The following PCDHGA4 variants were observed in gnomAD, a reference collection of about 807,000 sequenced individuals.
The protein encoded by PCDHGA4 is protocadherin gamma-A4.
Under a neutral mutation model 54.6 loss-of-function variants are expected in PCDHGA4, and 38 were observed. That is an observed-to-expected ratio of 0.70 (90% CI 0.54 to 0.91). The LOEUF (loss-of-function observed/expected upper bound fraction) is 0.91, where lower values mean the gene tolerates loss of function less well. PCDHGA4 is among the 40% of genes least tolerant of loss of function. The pLI, the probability that PCDHGA4 is intolerant of heterozygous loss-of-function variation, is 0.00. For synonymous variants in PCDHGA4, 511 were observed against 512.9 expected, an observed-to-expected ratio of 1.00 and a Z score of 0.05; for missense variants, 1,298 against 1,220.9, an observed-to-expected ratio of 1.06 and a Z score of -0.94.
intron 1 of PCDHGA4, chr5:141,395,206 A>T: frequency 1.9e-6 from 3 of 1,613,736 alleles, no homozygotes; most frequent in Non-Finnish European, 2.5e-6. Flanking sequence ...GTAGATTTTC[A>T]TGAATATAAG....
chr5:141,494,820 AC>A lies in PCDHGA4; in HGVS notation c.2529del (p.Asn843LysfsTer39). 6.2e-7 allele frequency: 1 copy of A among 1,613,988 alleles called. No homozygotes were observed. The highest frequency in any genetic ancestry group is 2.2e-5 in the East Asian group (1 of 44,874). On this transcript the variant is annotated frameshift_variant, in exon 2 of 4. Coordinates refer to ENST00000571252, the MANE Select transcript of PCDHGA4 (RefSeq NM_018917.4). LOFTEE classifies it high-confidence loss of function. ...TTTTCTCCACAGCAAGCCCCGCCCA[AC>A]ACGGACTGGCGTTTCTCTCAGGCCC... ...GDPNLQQAPP[N>X]TDWRFSQAQR...
At chr5:141,387,211 C>T (rs184165131) in intron 1 of PCDHGA4, among the ~76,000 whole-genome samples, 35 of 152,068 alleles carry the variant, frequency 2.3e-4, no homozygotes, top group African/African-American at 7.7e-4. Flanking sequence ...TGATACTCTC[C>T]GGAAAAAGTT....
chr5:141,488,980 C>A, intron 1 of PCDHGA4: 1 of 392,340 alleles, frequency 2.5e-6, no homozygotes, highest in Non-Finnish European at 4.5e-6. Flanking sequence ...CAATCAGACT[C>A]AGAGCTGAGG....
chr5:141,357,804 G>A (rs1465352721), intron 1 of PCDHGA4, 183 bp downstream of exon 1: 15 of 778,760 alleles, frequency 1.9e-5, no homozygotes, highest in Admixed American at 3.0e-5. Context: ...CAAAAATGTT[G>A]TTTATTACTT....
rs764067454 is a variant in PCDHGA4 at position 141,413,998 on chromosome 5, G to C, written c.2514+56377G>C. On this transcript the variant is annotated intron_variant, in intron 1 of 3. Coordinates refer to ENST00000571252, the MANE Select transcript of PCDHGA4 (RefSeq NM_018917.4). Reference sequence around the variant, plus strand: ...GACAGTCACAGCCACCGACAGGGACGAAGGTGCCAATGGAGAAGTGACATA... The same window carrying C: ...GACAGTCACAGCCACCGACAGGGACCAAGGTGCCAATGGAGAAGTGACATA... 29 of 1,613,320 alleles carry C rather than the reference G, an allele frequency of 1.8e-5. No individual in the cohort carries two copies. The Admixed American group carries it at 4.8e-4, about 27-fold the overall frequency.
chr5:141,387,766 T>G, intron 1 of PCDHGA4: 1 of 1,434,120 alleles, frequency 7.0e-7, no homozygotes, highest in Non-Finnish European at 9.3e-7. Context: ...AAAGAAGAAT[T>G]TTTTCTTGAA....
chr5:141,413,804 C>A, intron 1 of PCDHGA4: 7 of 1,613,194 alleles, frequency 4.3e-6, no homozygotes, highest in Non-Finnish European at 5.9e-6. Context: ...GAGGAAGAGG[C>A]CATTCACCAC....
At chr5:141,367,515 A>C (rs998835316) in intron 1 of PCDHGA4, 2 of 151,238 alleles carry the variant, frequency 1.3e-5, no homozygotes, top group African/African-American at 2.4e-5. Flanking sequence ...CCAGCCTGGG[A>C]GACAGAACGA....
chr5:141,464,208 T>G (rs915798868), intron 1 of PCDHGA4, among the ~76,000 whole-genome samples: 1 of 148,120 alleles, frequency 6.8e-6, no homozygotes, highest in Admixed American at 6.9e-5. Context: ...GAGATTGCAG[T>G]GAGCTGAGAT....
At chr5:141,421,436 G>C (rs373015809) in intron 1 of PCDHGA4, 6 of 1,613,994 alleles carry the variant, frequency 3.7e-6, no homozygotes, top group African/African-American at 2.7e-5. Context: ...ATCGTCTCCA[G>C]AGGGAAGACA....
intron 1 of PCDHGA4, among the ~76,000 whole-genome samples, chr5:141,463,534 C>T (rs866525322): frequency 2.6e-4 from 39 of 148,938 alleles, no homozygotes; most frequent in Admixed American, 7.5e-4. Flanking sequence ...CTAGAAACTC[C>T]GGCTCCCGGG....
At chr5:141,439,207 C>A (rs1003519997) in intron 1 of PCDHGA4, among the ~76,000 whole-genome samples, 1 of 149,828 alleles carries the variant, frequency 6.7e-6, no homozygotes, top group Non-Finnish European at 1.5e-5. Context: ...AAAAAAAAAT[C>A]CATATGTGAA....
At position 141,511,574 on chromosome 5, in the gene PCDHGA4, GT is replaced by G. The variant is rs1158598698; in HGVS notation, c.*403del. ...CAGTTCCTCTTTCCCGAGTAAGGTG[GT>G]TGGGGTGTTGAAGTACCAAGTAACC... On this transcript the variant is annotated 3_prime_UTR_variant, in exon 4 of 4. Coordinates refer to ENST00000571252, the MANE Select transcript of PCDHGA4 (RefSeq NM_018917.4). 3.5e-6 allele frequency: 1 copy of G among 287,556 alleles called. No individual in the cohort carries two copies. The highest frequency in any genetic ancestry group is 2.2e-5 in the African/African-American group (1 of 46,340). 17.8% of individuals were successfully genotyped at this position (287,556 alleles called of 1,614,324 possible).
intron 1 of PCDHGA4, chr5:141,403,680 C>A: frequency 6.2e-7 from 1 of 1,613,846 alleles, no homozygotes; most frequent in Non-Finnish European, 8.5e-7. Context: ...CCGGTTTTTG[C>A]TCAACGGATT....
chr5:141,441,882 C>A, intron 1 of PCDHGA4: 1 of 343,664 alleles, frequency 2.9e-6, no homozygotes, highest in South Asian at 2.6e-5. Context: ...GCTACCTGGT[C>A]ACCAAGGTGG....
intron 1 of PCDHGA4, chr5:141,408,275 T>C: frequency 1.2e-6 from 2 of 1,611,874 alleles, no homozygotes; most frequent in Non-Finnish European, 1.7e-6. Flanking sequence ...GCTGCCTTTG[T>C]TCTACCCCAC....
chr5:141,410,517 C>A, intron 1 of PCDHGA4: 1 of 1,613,926 alleles, frequency 6.2e-7, no homozygotes, highest in Non-Finnish European at 8.5e-7. Context: ...TGCAGTGTGC[C>A]CCTACATTCC....
At chr5:141,427,883 C>T (rs2097084423) in intron 1 of PCDHGA4, 2 of 1,563,700 alleles carry the variant, frequency 1.3e-6, no homozygotes, top group African/African-American at 1.3e-5. Context: ...TGCAGGCCCA[C>T]GACCAGGGCT....
At chr5:141,451,288 C>G (rs1308574266) in intron 1 of PCDHGA4, among the ~76,000 whole-genome samples, 3 of 152,200 alleles carry the variant, frequency 2.0e-5, no homozygotes, top group Non-Finnish European at 4.4e-5. Context: ...GCCTCTGCCT[C>G]AAAGTCTTAC....
Sources: allele counts gnomAD v4.1 joint callset (sites outside exome capture counted in the v4.1 genomes callset), GRCh38; gene constraint gnomAD v4.1.1; transcripts MANE v1.5; gene names NCBI Gene and HGNC (gene_info 2026-07-23, HGNC 2026-07-21).